Variants in ACAD11 observed in about 807,000 individuals in gnomAD.
The protein encoded by ACAD11 is acyl-CoA dehydrogenase family member 11, also known as acyl-Coenzyme A dehydrogenase family, member 11.
A neutral mutation model predicts 102.2 loss-of-function variants in ACAD11; 83 were observed. That is an observed-to-expected ratio of 0.81 (90% confidence interval 0.68 to 0.97). ACAD11 has a LOEUF of 0.97. Among genes scored for constraint, ACAD11 ranks in the 50% least tolerant of loss-of-function variants. ACAD11 has a pLI of 0.00. For missense variants in ACAD11, 901 were observed against 951.7 expected (o/e 0.95, Z 0.70); for synonymous variants, 324 against 319.8 (o/e 1.01, Z -0.14).
intron 5 of ACAD11, 112 bp downstream of exon 5, chr3:132,639,380 T>C (rs540135430): frequency 9.7e-7 from 1 of 1,032,556 alleles, no homozygotes; most frequent in African/African-American, 1.7e-5. Context: ...TCCTGAGCTG[T>C]AGGGGAACAG....
intron 1 of ACAD11, among the ~76,000 whole-genome samples, chr3:132,653,512 A>C (rs1937624439): frequency 6.6e-6 from 1 of 152,114 alleles, no homozygotes; most frequent in Admixed American, 6.5e-5. Context: ...CTCCTACACA[A>C]AATTTTCTCT....
At position 132,619,563 on chromosome 3, in the gene ACAD11, A is replaced by G; in HGVS notation, c.1198-18T>C. 1 of 1,439,810 alleles carries G rather than the reference A, an allele frequency of 6.9e-7. No homozygotes were observed. The highest frequency in any genetic ancestry group is 9.5e-7 in the Non-Finnish European group (1 of 1,056,802). 89.2% of individuals were successfully genotyped at this position (1,439,810 alleles called of 1,614,324 possible). ...GTTACCTCCTTAAAGTAATAAAAGA[A>G]AAAAATTTCACTAGCTAAAGTTAAT... On this transcript the variant is annotated intron_variant, in intron 9 of 19. Transcript: ENST00000264990.
intron 17 of ACAD11, among the ~76,000 whole-genome samples, chr3:132,574,638 C>T (rs1264657575): frequency 6.6e-6 from 1 of 152,122 alleles, no homozygotes; most frequent in Non-Finnish European, 1.5e-5. Context: ...GCAGCAAACA[C>T]AAATACAATT....
At position 132,575,844 on chromosome 3, in the gene ACAD11, C is replaced by G. The variant is rs370980622; in HGVS notation, c.1929G>C (p.Ala643=). The change falls in exon 17 of 20, where the codon GCG becomes GCC. Residue 643 remains alanine (A), a synonymous_variant. Transcript: ENST00000264990. The part of the protein sequence containing the change: ...IHHCMRTVGL[A]ERALQIMCER... Reference sequence around the variant, plus strand: ...CACACATGATCTGCAAAGCGCGTTCCGCCAAACCTACTGTTCTCATACAGT... The same window carrying G: ...CACACATGATCTGCAAAGCGCGTTCGGCCAAACCTACTGTTCTCATACAGT... 5.0e-6 allele frequency: 8 copies of G among 1,613,932 alleles called. No individual in the cohort carries two copies. The highest frequency in any genetic ancestry group is 2.7e-5 in the African/African-American group (2 of 74,896).
intron 13 of ACAD11, among the ~76,000 whole-genome samples, chr3:132,597,708 C>G (rs1023215845): frequency 6.6e-6 from 1 of 151,708 alleles, no homozygotes; most frequent in Non-Finnish European, 1.5e-5. Flanking sequence ...AATTCCATTT[C>G]TACTCTTTTT....
At chr3:132,613,744 C>A (rs1361778251) in intron 11 of ACAD11, among the ~76,000 whole-genome samples, 6 of 151,872 alleles carry the variant, frequency 4.0e-5, no homozygotes, top group Admixed American at 3.9e-4. Flanking sequence ...ACTAAAAGTA[C>A]AAAAATTAGT....
chr3:132,580,643 G>A (rs991169834), intron 13 of ACAD11, among the ~76,000 whole-genome samples: 1 of 151,972 alleles, frequency 6.6e-6, no homozygotes, highest in Admixed American at 6.6e-5. Context: ...AATTTTAGGT[G>A]TGCTAATGGT....
At chr3:132,594,809 C>A (rs1354572599) in intron 13 of ACAD11, among the ~76,000 whole-genome samples, 2 of 152,070 alleles carry the variant, frequency 1.3e-5, no homozygotes, top group East Asian at 1.9e-4. Flanking sequence ...ATAGAAAGAT[C>A]AAAGAGATTA....
At chr3:132,648,985 G>C (rs1198862475) in intron 1 of ACAD11, among the ~76,000 whole-genome samples, 1 of 152,246 alleles carries the variant, frequency 6.6e-6, no homozygotes, top group African/African-American at 2.4e-5. Flanking sequence ...ATCTAGGGCT[G>C]TGCAAGATGT....
At chr3:132,576,462 A>C (rs1477626725) in intron 16 of ACAD11, among the ~76,000 whole-genome samples, 5 of 152,226 alleles carry the variant, frequency 3.3e-5, no homozygotes, top group Non-Finnish European at 5.9e-5. Context: ...TACAGTGTTC[A>C]AAGTTATTTA....
chr3:132,626,009 T>C (rs965938271), intron 9 of ACAD11, among the ~76,000 whole-genome samples: 2 of 152,158 alleles, frequency 1.3e-5, no homozygotes, highest in African/African-American at 4.8e-5. Context: ...CCAACTCCCT[T>C]ACATATTTTT....
chr3:132,630,557 C>A lies in ACAD11; in HGVS notation c.843G>T (p.Gly281=), dbSNP rs749292148. Residue 281 remains glycine (G), a splice_region_variant and synonymous_variant, in exon 7 of 20, where the codon GGG becomes GGT. Coordinates refer to ENST00000264990, the MANE Select transcript of ACAD11 (RefSeq NM_032169.5). ...INQGSYSENS[G]IPSMEELISI... Reference sequence around the variant, plus strand: ...AAATCAGTTCTTCCATTGATGGTATCCCTATAAAAACAGCATGTAATATAA... The same window carrying A: ...AAATCAGTTCTTCCATTGATGGTATACCTATAAAAACAGCATGTAATATAA... The A allele has an allele frequency of 1.9e-6, 3 of 1,604,300 alleles. No individual in the cohort carries two copies. In the South Asian group the frequency reaches 3.4e-5, roughly 18 times the overall value.
chr3:132,611,912 G>A (rs1018725555), intron 11 of ACAD11, among the ~76,000 whole-genome samples: 26 of 152,022 alleles, frequency 1.7e-4, no homozygotes, highest in South Asian at 1.2e-3. Context: ...AGCCTGCATC[G>A]CCAAGTCAAT....
intron 11 of ACAD11, 167 bp downstream of exon 11, chr3:132,618,467 A>G (rs1460670624): frequency 4.6e-6 from 3 of 656,058 alleles, no homozygotes; most frequent in Non-Finnish European, 7.0e-6. Flanking sequence ...TCCAATGAAA[A>G]TTTCAAATCC....
chr3:132,610,690 G>A (rs1173708272), intron 11 of ACAD11, among the ~76,000 whole-genome samples: 1 of 152,118 alleles, frequency 6.6e-6, no homozygotes. Context: ...TTGAATCTCT[G>A]AATAGACCAA....
At chr3:132,567,706 T>C (rs1937255657) in intron 17 of ACAD11, among the ~76,000 whole-genome samples, 1 of 152,150 alleles carries the variant, frequency 6.6e-6, no homozygotes, top group Non-Finnish European at 1.5e-5. Context: ...GTATATCAAA[T>C]ATAATGATAT....
At chr3:132,560,743 CACA>C (rs1312520883) in intron 18 of ACAD11, among the ~76,000 whole-genome samples, 1 of 152,098 alleles carries the variant, frequency 6.6e-6, no homozygotes. Flanking sequence ...GGTTACTCTT[CACA>C]ACAACCCTAG....
At chr3:132,630,308 C>G (rs951161184) in intron 7 of ACAD11, 129 bp downstream of exon 7, 1 of 1,063,032 alleles carries the variant, frequency 9.4e-7, no homozygotes, top group South Asian at 3.0e-5. Flanking sequence ...TTACCTATGT[C>G]TGATACCTGT....
intron 13 of ACAD11, among the ~76,000 whole-genome samples, chr3:132,585,657 A>G (rs992642710): frequency 1.3e-4 from 20 of 152,296 alleles, no homozygotes; most frequent in African/African-American, 4.8e-4. Flanking sequence ...AAAAACAAAC[A>G]ACCCCATCAA....
Sources: allele counts gnomAD v4.1 joint callset (sites outside exome capture counted in the v4.1 genomes callset), GRCh38; gene constraint gnomAD v4.1.1; transcripts MANE v1.5; gene names NCBI Gene and HGNC (gene_info 2026-07-23, HGNC 2026-07-21).